Variants in NELL1 observed in about 807,000 individuals in gnomAD.
NELL1 encodes protein kinase C-binding protein NELL1.
NELL1 carries 76 observed loss-of-function variants against 107.4 expected under a neutral mutation model. The observed-to-expected ratio is 0.71, with a 90% CI of 0.59 to 0.86. The LOEUF is 0.86. Among genes scored for constraint, NELL1 ranks in the 40% least tolerant of loss-of-function variants. The pLI, the probability that NELL1 is intolerant of heterozygous loss-of-function variation, is 0.00. For synonymous variants in NELL1, 353 were observed against 341.2 expected (o/e 1.03, Z -0.38); for missense variants, 1,024 against 1,005.5 (o/e 1.02, Z -0.25).
intron 15 of NELL1, among the ~76,000 whole-genome samples, chr11:21,473,407 A>G (rs773168513): frequency 2.6e-5 from 4 of 152,070 alleles, no homozygotes; most frequent in Admixed American, 6.6e-5. Context: ...TAGGTGAACA[A>G]CTGGCCAATC....
chr11:21,369,362 A>ATTTTTTTTTTTTTTTTTTTT (rs34302489), intron 14 of NELL1, among the ~76,000 whole-genome samples: 1 of 110,418 alleles, frequency 9.1e-6, no homozygotes, highest in Non-Finnish European at 1.9e-5. Flanking sequence ...GGTAGGTACT[A>ATTTTTTTTTTTTTTTTTTTT]TTTTTTTTTT....
chr11:20,884,810 C>G (rs981206940), intron 4 of NELL1, among the ~76,000 whole-genome samples: 1 of 152,150 alleles, frequency 6.6e-6, no homozygotes, highest in African/African-American at 2.4e-5. Context: ...GTTTCTTGCT[C>G]TATTTTCTGT....
Position 21,228,504 on chromosome 11 carries a change from C to G in NELL1, c.1427-828C>G, listed in dbSNP as rs542583535. ...CCTCAGAGTAAATCCTTTTCCTACT[C>G]TCAGCACAATCCTGTGCTCGCCAGC... On this transcript the variant is annotated intron_variant, in intron 13 of 19. Coordinates refer to ENST00000357134, the MANE Select transcript of NELL1 (RefSeq NM_006157.5). Among the ~76,000 whole-genome samples the G allele has an allele frequency of 2.6e-5, 4 of 152,260 alleles. No homozygotes were observed. In the South Asian group the frequency reaches 8.3e-4, roughly 32 times the overall value.
intron 14 of NELL1, among the ~76,000 whole-genome samples, chr11:21,239,768 A>G (rs984383809): frequency 6.6e-6 from 1 of 151,994 alleles, no homozygotes; most frequent in Non-Finnish European, 1.5e-5. Context: ...GTTCTCTTGA[A>G]TCAAGTGAAC....
At chr11:21,396,792 G>C (rs753964235) in intron 15 of NELL1, among the ~76,000 whole-genome samples, 1 of 151,446 alleles carries the variant, frequency 6.6e-6, no homozygotes, top group Non-Finnish European at 1.5e-5. Flanking sequence ...GAATGATTTA[G>C]ACATATCTAA....
At chr11:21,508,541 TAGTCAA>T (rs1188532201) in intron 15 of NELL1, among the ~76,000 whole-genome samples, 3 of 152,140 alleles carry the variant, frequency 2.0e-5, no homozygotes, top group Non-Finnish European at 2.9e-5. Context: ...GCTACGAAAC[TAGTCAA>T]AGTCAATCGG....
At chr11:20,883,659 T>A (rs1443580454) in intron 4 of NELL1, among the ~76,000 whole-genome samples, 1 of 152,258 alleles carries the variant, frequency 6.6e-6, no homozygotes, top group Non-Finnish European at 1.5e-5. Flanking sequence ...ACATCATTTG[T>A]GCCTCATTAT....
chr11:21,350,094 A>AT (rs1038728978), intron 14 of NELL1, among the ~76,000 whole-genome samples: 10 of 152,048 alleles, frequency 6.6e-5, no homozygotes, highest in African/African-American at 2.4e-4. Flanking sequence ...CATCACATCC[A>AT]TTTTTTTCTG....
chr11:20,752,503 C>T (rs943545008), intron 2 of NELL1, among the ~76,000 whole-genome samples: 9 of 152,150 alleles, frequency 5.9e-5, no homozygotes, highest in South Asian at 2.1e-4. Context: ...GAGCCAGGAT[C>T]GCACCATTGC....
At chr11:20,912,367 G>A (rs556923401) in intron 5 of NELL1, among the ~76,000 whole-genome samples, 1 of 152,232 alleles carries the variant, frequency 6.6e-6, no homozygotes, top group African/African-American at 2.4e-5. Flanking sequence ...AGTAGTGATA[G>A]GCTTATCTGA....
intron 4 of NELL1, among the ~76,000 whole-genome samples, chr11:20,882,408 AT>A (rs1319760393): frequency 6.6e-6 from 1 of 152,046 alleles, no homozygotes; most frequent in African/African-American, 2.4e-5. Context: ...TTTTTTCTCT[AT>A]TTTTTAAACT....
intron 14 of NELL1, among the ~76,000 whole-genome samples, chr11:21,326,384 AT>A (rs1002490267): frequency 1.3e-5 from 2 of 151,932 alleles, no homozygotes; most frequent in Admixed American, 6.6e-5. Context: ...ATTTTTGTTC[AT>A]GTTTAAACTA....
At chr11:21,357,810 T>A (rs1850971510) in intron 14 of NELL1, among the ~76,000 whole-genome samples, 1 of 152,166 alleles carries the variant, frequency 6.6e-6, no homozygotes, top group South Asian at 2.1e-4. Flanking sequence ...CCATCTTGAG[T>A]TGATTTTTGT....
intron 14 of NELL1, among the ~76,000 whole-genome samples, chr11:21,252,093 G>A (rs933827903): frequency 2.6e-5 from 4 of 152,080 alleles, no homozygotes; most frequent in Non-Finnish European, 5.9e-5. Flanking sequence ...ATCTCCAAAG[G>A]ACATTCATTA....
intron 12 of NELL1, among the ~76,000 whole-genome samples, chr11:20,992,392 G>A (rs57684435): frequency 0.027 from 4,157 of 152,226 alleles, 172 homozygotes; most frequent in African/African-American, 0.094. Flanking sequence ...GTTGTTGTTG[G>A]TTCTGTTTTC....
At chr11:20,718,766 G>A (rs1005920984) in intron 2 of NELL1, among the ~76,000 whole-genome samples, 4 of 152,146 alleles carry the variant, frequency 2.6e-5, no homozygotes, top group Non-Finnish European at 4.4e-5. Flanking sequence ...GCCCCAGTAC[G>A]ATGAGGAGAA....
chr11:21,326,166 T>C (rs1276980448), intron 14 of NELL1, among the ~76,000 whole-genome samples: 2 of 151,024 alleles, frequency 1.3e-5, no homozygotes, highest in Non-Finnish European at 3.0e-5. Flanking sequence ...TATTTTTTTT[T>C]TTCTATTTGT....
chr11:21,328,096 A>C (rs1850185093), intron 14 of NELL1, among the ~76,000 whole-genome samples: 1 of 152,216 alleles, frequency 6.6e-6, no homozygotes, highest in Non-Finnish European at 1.5e-5. Flanking sequence ...TTAATTAGCA[A>C]GACAATGGGG....
intron 3 of NELL1, among the ~76,000 whole-genome samples, chr11:20,815,059 TTTTG>T (rs1389152266): frequency 1.3e-5 from 2 of 151,930 alleles, no homozygotes; most frequent in African/African-American, 2.4e-5. Context: ...TCTCTCTGCT[TTTTG>T]TTTGTTTGTT....
Sources: allele counts gnomAD v4.1 joint callset (sites outside exome capture counted in the v4.1 genomes callset), GRCh38; gene constraint gnomAD v4.1.1; transcripts MANE v1.5; gene names NCBI Gene and HGNC (gene_info 2026-07-23, HGNC 2026-07-21).